SLC9A9: variants seen among roughly 807,000 people sequenced by gnomAD.
SLC9A9 encodes the protein sodium/hydrogen exchanger 9.
In SLC9A9, 62 loss-of-function variants were observed where a neutral mutation model predicts 77.8. The ratio of observed to expected loss-of-function variants is 0.80; its 90% confidence interval spans 0.65 to 0.98. The LOEUF (loss-of-function observed/expected upper bound fraction) is 0.98, where lower values mean the gene tolerates loss of function less well. Ranked by LOEUF, SLC9A9 falls within the 50% of genes least tolerant of loss-of-function variation. The probability of loss-of-function intolerance (pLI) is 0.00; values close to 1 mark genes in which losing one functional copy is unlikely to be tolerated. For synonymous variants in SLC9A9, 320 were observed against 283.5 expected, an observed-to-expected ratio of 1.13 and a Z score of -1.29; for missense variants, 775 against 774.9, an observed-to-expected ratio of 1.00 and a Z score of 0.00.
intron 13 of SLC9A9, among the ~76,000 whole-genome samples, chr3:143,377,818 A>C (rs2033215314): frequency 6.6e-6 from 1 of 152,178 alleles, no homozygotes; most frequent in Non-Finnish European, 1.5e-5. Flanking sequence ...CACCATGGCC[A>C]ATGGTCTGGC....
At chr3:143,841,124 C>T (rs943958966) in intron 1 of SLC9A9, among the ~76,000 whole-genome samples, 2 of 152,132 alleles carry the variant, frequency 1.3e-5, no homozygotes, top group Non-Finnish European at 2.9e-5. Flanking sequence ...TGTTGATTAT[C>T]AGCAAGTTAC....
intron 2 of SLC9A9, among the ~76,000 whole-genome samples, chr3:143,802,688 C>A (rs780098507): frequency 5.3e-5 from 8 of 152,146 alleles, no homozygotes; most frequent in Non-Finnish European, 7.3e-5. Flanking sequence ...TTCAGTGGAA[C>A]CTTCAAATCC....
intron 12 of SLC9A9, among the ~76,000 whole-genome samples, chr3:143,398,050 AAC>A (rs1362277162): frequency 6.6e-6 from 1 of 152,178 alleles, no homozygotes; most frequent in Non-Finnish European, 1.5e-5. Context: ...AGGTACCTAC[AAC>A]ACAATTCATT....
chr3:143,366,404 T>C (rs1015240309), intron 13 of SLC9A9, among the ~76,000 whole-genome samples: 3 of 152,232 alleles, frequency 2.0e-5, no homozygotes, highest in Admixed American at 6.5e-5. Flanking sequence ...ACAATTGGAA[T>C]TTTAGTCTAG....
intron 9 of SLC9A9, among the ~76,000 whole-genome samples, chr3:143,548,308 G>A (rs1370314683): frequency 6.6e-6 from 1 of 152,082 alleles, no homozygotes; most frequent in Non-Finnish European, 1.5e-5. Flanking sequence ...TGGTGGGGGT[G>A]GTGAGGGAAT....
intron 12 of SLC9A9, among the ~76,000 whole-genome samples, chr3:143,384,077 T>C (rs1014561008): frequency 3.9e-5 from 6 of 152,152 alleles, no homozygotes; most frequent in Non-Finnish European, 7.4e-5. Context: ...GAGGAACCTT[T>C]GATTCTTGGG....
chr3:143,289,542 C>T (rs1034001045), intron 14 of SLC9A9, among the ~76,000 whole-genome samples: 8 of 152,108 alleles, frequency 5.3e-5, no homozygotes, highest in African/African-American at 1.9e-4. Context: ...AACATGTCAT[C>T]ATCCACTTTC....
At chr3:143,735,944 T>C (rs1349407369) in intron 4 of SLC9A9, among the ~76,000 whole-genome samples, 1 of 152,248 alleles carries the variant, frequency 6.6e-6, no homozygotes, top group Non-Finnish European at 1.5e-5. Context: ...AGCTTATCTG[T>C]TCTTTCCCAT....
chr3:143,329,066 T>G lies in SLC9A9; in HGVS notation c.1604+34418A>C, dbSNP rs138577656. On this transcript the variant is annotated intron_variant, in intron 14 of 15. Transcript: ENST00000316549. ...AGGGTATCAAAGTCAAACGACCAAC[T>G]TTTAATAATCTAACTACACAAGAAC... Among the ~76,000 whole-genome samples the G allele has an allele frequency of 8.1e-3, 1,237 of 152,320 alleles. 7 individuals carry two copies. Among genetic ancestry groups the G allele is most frequent in the Non-Finnish European group, 0.014 (923 of 68,028 alleles).
At chr3:143,435,347 C>CCTTGGGTA (rs1478431156) in intron 12 of SLC9A9, among the ~76,000 whole-genome samples, 1 of 152,048 alleles carries the variant, frequency 6.6e-6, no homozygotes, top group African/African-American at 2.4e-5. Context: ...TAGTGAGAGC[C>CCTTGGGTA]CTTGGGTCCA....
chr3:143,521,088 GT>G (rs1452249873), intron 9 of SLC9A9, among the ~76,000 whole-genome samples: 1 of 152,058 alleles, frequency 6.6e-6, no homozygotes, highest in Non-Finnish European at 1.5e-5. Flanking sequence ...ATGAGCAAAA[GT>G]TCTTTATTTT....
At chr3:143,395,513 A>C (rs1265396234) in intron 12 of SLC9A9, among the ~76,000 whole-genome samples, 3 of 152,246 alleles carry the variant, frequency 2.0e-5, no homozygotes, top group African/African-American at 2.4e-5. Flanking sequence ...AAACCTAGGC[A>C]ATACCATTCA....
intron 12 of SLC9A9, among the ~76,000 whole-genome samples, chr3:143,385,162 T>TA (rs1316691911): frequency 6.6e-6 from 1 of 152,104 alleles, no homozygotes; most frequent in Non-Finnish European, 1.5e-5. Flanking sequence ...TTCAAATTAT[T>TA]GTATCTGCCA....
chr3:143,491,968 C>A (rs1033266628), intron 11 of SLC9A9, among the ~76,000 whole-genome samples: 3 of 152,094 alleles, frequency 2.0e-5, no homozygotes, highest in Admixed American at 2.0e-4. Flanking sequence ...CAACTCATTG[C>A]CAAAGTTTAT....
At position 143,832,005 on chromosome 3, in the gene SLC9A9, G is replaced by T; in HGVS notation, c.378+14C>A. 1 of 1,605,072 alleles carries T rather than the reference G, an allele frequency of 6.2e-7. No homozygotes were observed. Among genetic ancestry groups the T allele is most frequent in the African/African-American group, 1.3e-5 (1 of 74,764 alleles). ...ACTGTAAAACAAATATATAATACCA[G>T]ACAGGATCCTTACCTTTTCAAGTAT... On this transcript the variant is annotated intron_variant, in intron 2 of 15. Coordinates refer to ENST00000316549, the MANE Select transcript of SLC9A9 (RefSeq NM_173653.4).
At position 143,620,954 on chromosome 3, in the gene SLC9A9, C is replaced by T. The variant is rs140151728; in HGVS notation, c.755+31301G>A. 1.9e-3 allele frequency among the ~76,000 whole-genome samples: 288 copies of T among 152,310 alleles called. 3 individuals are homozygous for T. The highest frequency in any genetic ancestry group is 7.7e-4 in the East Asian group (4 of 5,172). ...TTTCCAATGGTCTTAGCAAACGGCACGCCAGGAGATTATATCCCGCGCCTG... is the reference window on the plus strand; with the variant it reads ...TTTCCAATGGTCTTAGCAAACGGCATGCCAGGAGATTATATCCCGCGCCTG... On this transcript the variant is annotated intron_variant, in intron 6 of 15. Transcript: ENST00000316549.
At chr3:143,447,490 G>A (rs764784567) in intron 12 of SLC9A9, among the ~76,000 whole-genome samples, 18 of 151,934 alleles carry the variant, frequency 1.2e-4, no homozygotes, top group Non-Finnish European at 2.4e-4. Flanking sequence ...AATAAAACAG[G>A]GCAAGTTGTT....
chr3:143,585,388 A>G (rs2037524489), intron 6 of SLC9A9, among the ~76,000 whole-genome samples: 1 of 152,208 alleles, frequency 6.6e-6, no homozygotes, highest in Non-Finnish European at 1.5e-5. Flanking sequence ...AAGGCTGATC[A>G]AGGACTCAAA....
At chr3:143,405,326 G>A (rs554152985) in intron 12 of SLC9A9, among the ~76,000 whole-genome samples, 13 of 152,252 alleles carry the variant, frequency 8.5e-5, no homozygotes, top group South Asian at 4.2e-4. Flanking sequence ...CTGTGGAGCC[G>A]TAGACCTCCC....
Sources: allele counts gnomAD v4.1 joint callset (sites outside exome capture counted in the v4.1 genomes callset), GRCh38; gene constraint gnomAD v4.1.1; transcripts MANE v1.5; gene names NCBI Gene and HGNC (gene_info 2026-07-23, HGNC 2026-07-21).